The following REV1 variants were observed in gnomAD, a reference collection of about 807,000 sequenced individuals.
REV1 encodes REV1 DNA directed polymerase.
REV1 carries 42 observed loss-of-function variants against 137.4 expected under a neutral mutation model. The observed-to-expected ratio is 0.31, with a 90% CI of 0.24 to 0.40. REV1 has a LOEUF of 0.40. REV1 is among the 10% of genes least tolerant of loss of function. The pLI, the probability that REV1 is intolerant of heterozygous loss-of-function variation, is 1.00. For synonymous variants in REV1, 524 were observed against 519.2 expected, an observed-to-expected ratio of 1.01 and a Z score of -0.12; for missense variants, 1,282 against 1,490.1, an observed-to-expected ratio of 0.86 and a Z score of 2.30.
intron 19 of REV1, 149 bp downstream of exon 19, chr2:99,403,546 C>T: frequency 1.1e-6 from 1 of 927,982 alleles, no homozygotes; most frequent in Non-Finnish European, 1.6e-6. Flanking sequence ...GATATTTACT[C>T]ATACTGTATA....
At position 99,487,729 on chromosome 2, in the gene REV1, G is replaced by A. The variant is rs960773345; in HGVS notation, c.-11+2088C>T. On this transcript the variant is annotated intron_variant, in intron 1 of 22. Transcript: ENST00000258428. The stretch of plus-strand genomic sequence containing the variant: ...ATACACACCCATACATTCTTGAAAA[G>A]CAGAAAGACCCACAATGCTCTTTAG... Among the ~76,000 whole-genome samples the A allele has an allele frequency of 1.2e-4, 14 of 118,116 alleles. 5 individuals carry two copies. Among genetic ancestry groups the A allele is most frequent in the Non-Finnish European group, 2.2e-4 (12 of 54,316 alleles). 77.5% of individuals were successfully genotyped at this position (118,116 alleles called of 152,430 possible). A position where few individuals can be genotyped will look rare whatever the true frequency, so the allele number is the denominator to read the frequency against.
intron 1 of REV1, 79 bp from the exon 2 acceptor site, chr2:99,465,064 A>G (rs547974601): frequency 2.5e-6 from 3 of 1,194,900 alleles, no homozygotes; most frequent in Non-Finnish European, 3.6e-6. Flanking sequence ...CAATATCAAG[A>G]AAATGAGAAA....
At chr2:99,437,364 G>A (rs1680898086) in intron 6 of REV1, among the ~76,000 whole-genome samples, 1 of 152,102 alleles carries the variant, frequency 6.6e-6, no homozygotes, top group African/African-American at 2.4e-5. Context: ...AGAAAACTAA[G>A]ACTCGGAGAG....
chr2:99,421,696 C>A (rs756942934), intron 10 of REV1, 43 bp from the exon 11 acceptor site: 1 of 1,584,924 alleles, frequency 6.3e-7, no homozygotes, highest in Non-Finnish European at 8.6e-7. Context: ...GCCACAGCCA[C>A]CATCTGGTAG....
chr2:99,402,755 A>G lies in REV1; in HGVS notation c.3430T>C (p.Leu1144=). The G allele has an allele frequency of 6.2e-7, 1 of 1,614,196 alleles. No individual in the cohort carries two copies. The highest frequency in any genetic ancestry group is 8.5e-7 in the Non-Finnish European group (1 of 1,180,034). The change falls in exon 21 of 23, where the codon TTG becomes CTG. Residue 1144 remains leucine, a synonymous_variant. Coordinates refer to ENST00000258428, the MANE Select transcript of REV1 (RefSeq NM_016316.4). ...ACACAGCCAGCTGGGTCAGACTGCA[A>G]ACTAGAAAGGCCTGGCACACCTGAA... ...STSGVPGLSS[L]QSDPAGCVRP...
chr2:99,412,704 T>G, intron 13 of REV1, 27 bp downstream of exon 13: 1 of 1,558,800 alleles, frequency 6.4e-7, no homozygotes, highest in African/African-American at 1.4e-5. Context: ...GAGCAACAGA[T>G]GGCAAAATCT....
intron 3 of REV1, 135 bp from the exon 4 acceptor site, chr2:99,449,639 A>G: frequency 2.3e-6 from 1 of 426,940 alleles, no homozygotes; most frequent in South Asian, 1.1e-4. Context: ...CCAGTAAACA[A>G]AGCTGGGAGG....
chr2:99,402,173 A>C lies in REV1; in HGVS notation c.3644+71T>G, dbSNP rs28382974. The C allele has an allele frequency of 2.6e-4, 170 of 662,566 alleles. No individual in the cohort carries two copies. The East Asian group carries it at 4.1e-3, about 16-fold the overall frequency. 41.0% of individuals were successfully genotyped at this position (662,566 alleles called of 1,614,324 possible). Reference sequence around the variant, plus strand: ...AGTACAGTTTCCCAGAAAGTTTAAAACAACTCAGTACACCCTCAGCCATTG... The same window carrying C: ...AGTACAGTTTCCCAGAAAGTTTAAACCAACTCAGTACACCCTCAGCCATTG... On this transcript the variant is annotated intron_variant, in intron 22 of 22. Coordinates refer to ENST00000258428, the MANE Select transcript of REV1 (RefSeq NM_016316.4).
Position 99,439,158 on chromosome 2 carries a change from C to G in REV1, c.656G>C (p.Arg219Thr). 6.2e-7 allele frequency: 1 copy of G among 1,614,172 alleles called. No homozygotes were observed. The highest frequency in any genetic ancestry group is 1.1e-5 in the South Asian group (1 of 91,076). ...TCCATTAAAAATGGCAGTGCTCCCT[C>G]TGGGATGCGGAATTCCATTCTGTTT... ...GRKQNGIPHP[R>T]GSTAIFNGHT... is the part of the protein sequence containing the mutation. The change falls in exon 6 of 23, where the codon AGA becomes ACA. Residue 219 changes from arginine to threonine, a missense_variant. Arg to Thr is a moderately conservative substitution (Grantham distance 71). Around this residue, in one of 7 missense-constraint regions of REV1, gnomAD observed 432 missense variants for 438.0 expected, o/e 0.99. Transcript: ENST00000258428.
At chr2:99,441,943 C>G (rs1681536080) in intron 5 of REV1, among the ~76,000 whole-genome samples, 1 of 152,042 alleles carries the variant, frequency 6.6e-6, no homozygotes, top group African/African-American at 2.4e-5. Flanking sequence ...AGAGCAGGGG[C>G]CATGCTCACT....
intron 1 of REV1, among the ~76,000 whole-genome samples, chr2:99,469,290 T>C (rs1399911101): frequency 1.3e-5 from 2 of 152,210 alleles, no homozygotes; most frequent in Non-Finnish European, 2.9e-5. Flanking sequence ...TGAAAAAGAC[T>C]GATAACTAAG....
intron 15 of REV1, 75 bp from the exon 16 acceptor site, chr2:99,406,565 A>G (rs1676326238): frequency 8.1e-7 from 1 of 1,234,760 alleles, no homozygotes; most frequent in South Asian, 1.9e-5. Flanking sequence ...CAAAATCCTC[A>G]GCAAATCCTT....
rs746250159 is a variant in REV1 at position 99,401,218 on chromosome 2, A to C, written c.*23T>G. On this transcript the variant is annotated 3_prime_UTR_variant, in exon 23 of 23. Coordinates refer to ENST00000258428, the MANE Select transcript of REV1 (RefSeq NM_016316.4). ...AGCACTTATGGCACAGCTATCAGAG[A>C]GCATCAGGCTCTCTGGTAATATTTA... is the stretch of plus-strand genomic sequence containing the variant. 3.5e-6 allele frequency: 5 copies of C among 1,415,582 alleles called. No individual in the cohort carries two copies. Among genetic ancestry groups the C allele is most frequent in the African/African-American group, 1.4e-5 (1 of 71,092 alleles). 87.7% of individuals were successfully genotyped at this position (1,415,582 alleles called of 1,614,324 possible). A position where few individuals can be genotyped will look rare whatever the true frequency, so the allele number is the denominator to read the frequency against.
At chr2:99,422,916 G>A (rs1045870534) in intron 10 of REV1, among the ~76,000 whole-genome samples, 3 of 152,120 alleles carry the variant, frequency 2.0e-5, no homozygotes, top group Non-Finnish European at 2.9e-5. Context: ...TCTAGCCCTC[G>A]TTTGGATGCT....
rs752125775 is a variant in REV1 at position 99,465,010 on chromosome 2, T to C, written c.-10-25A>G. ...TCTGTATTGGGGAGGAAAAAAAAAA[T>C]GTCAATTTTATAACATAATGTATTT... On this transcript the variant is annotated intron_variant, in intron 1 of 22. Transcript: ENST00000258428. 8 of 1,526,876 alleles carry C rather than the reference T, an allele frequency of 5.2e-6. No individual in the cohort carries two copies. The African/African-American group carries it at 6.9e-5, about 13-fold the overall frequency. 94.6% of individuals were successfully genotyped at this position (1,526,876 alleles called of 1,614,324 possible). A position where few individuals can be genotyped will look rare whatever the true frequency, so the allele number is the denominator to read the frequency against.
At chr2:99,460,566 ACTTGT>A (rs921894583) in intron 3 of REV1, among the ~76,000 whole-genome samples, 3 of 152,132 alleles carry the variant, frequency 2.0e-5, no homozygotes, top group Non-Finnish European at 2.9e-5. Context: ...AGCACCTCCT[ACTTGT>A]CTTATTACAT....
At chr2:99,474,608 T>C (rs952050826) in intron 1 of REV1, among the ~76,000 whole-genome samples, 6 of 152,096 alleles carry the variant, frequency 3.9e-5, no homozygotes, top group East Asian at 1.9e-4. Context: ...CTAGTCCATA[T>C]TGATAAGCAG....
In REV1 at chr2:99,412,889, G is replaced by C; in HGVS notation, c.2014C>G (p.Gln672Glu). The change falls in exon 13 of 23, where the codon CAG (glutamine) becomes GAG (glutamate). Residue 672 changes from glutamine (Q) to glutamate (E), a missense_variant. Transcript: ENST00000258428. ...SLGIKTCGDL[Q>E]YMTMAKLQKE... The stretch of plus-strand genomic sequence containing the variant: ...TGGAGTTTTGCCATGGTCATATACT[G>C]CAAGTCTCCACAAGTTTTAATTCCC... The C allele has an allele frequency of 1.2e-6, 2 of 1,614,080 alleles. No homozygotes were observed. Among genetic ancestry groups the C allele is most frequent in the Non-Finnish European group, 8.5e-7 (1 of 1,179,970 alleles).
intron 1 of REV1, among the ~76,000 whole-genome samples, chr2:99,469,917 C>T (rs996032520): frequency 1.4e-4 from 22 of 151,962 alleles, no homozygotes; most frequent in African/African-American, 5.3e-4. Context: ...GTCAGGAGAT[C>T]GAGACCATAC....
Sources: gnomAD v4.1 joint callset for allele counts (sites outside exome capture counted in the v4.1 genomes callset) on GRCh38, gnomAD v4.1.1 for gene constraint, gnomAD v4.1.1 regional missense constraint, MANE v1.5 for transcripts, NCBI Gene and HGNC (gene_info 2026-07-23, HGNC 2026-07-21) for gene names.